ITIH4: variants seen among roughly 807,000 people sequenced by gnomAD.
ITIH4 encodes the protein inter-alpha-trypsin inhibitor heavy chain H4.
A neutral mutation model predicts 111.8 loss-of-function variants in ITIH4; 79 were observed. The observed-to-expected ratio is 0.71, with a 90% CI of 0.59 to 0.85. The LOEUF (loss-of-function observed/expected upper bound fraction) is 0.85, where lower values mean the gene tolerates loss of function less well. Among genes scored for constraint, ITIH4 ranks in the 40% least tolerant of loss-of-function variants. ITIH4 has a pLI of 0.00. For synonymous variants in ITIH4, 472 were observed against 468.3 expected, an observed-to-expected ratio of 1.01 and a Z score of -0.10; for missense variants, 1,065 against 1,195.8, an observed-to-expected ratio of 0.89 and a Z score of 1.61.
intron 21 of ITIH4, among the ~76,000 whole-genome samples, chr3:52,816,680 G>A (rs889340085): frequency 6.6e-6 from 1 of 152,188 alleles, no homozygotes; most frequent in East Asian, 1.9e-4. Flanking sequence ...ATGGGATAGT[G>A]ACCTGGGTTA....
chr3:52,826,150 C>T (rs1700476750), intron 5 of ITIH4, 136 bp from the exon 6 acceptor site: 1 of 1,258,258 alleles, frequency 7.9e-7, no homozygotes, highest in Admixed American at 2.5e-5. Context: ...CACTTTCTTT[C>T]AGGCTGAGTT....
rs749742183 is a variant in ITIH4 at position 52,826,570 on chromosome 3, C to T, written c.601G>A (p.Ala201Thr). The change falls in exon 5 of 24, where the codon GCC becomes ACC. Residue 201 changes from alanine to threonine, a missense_variant. Transcript: ENST00000266041. ...GTCTTATTCTGCCAGGTGGTGAGGGCGTCTACCAGCTGGTTGGTCATGAAG... is the reference window on the plus strand; with the variant it reads ...GTCTTATTCTGCCAGGTGGTGAGGGTGTCTACCAGCTGGTTGGTCATGAAG... ...STFMTNQLVD[A>T]LTTWQNKTKA... The T allele has an allele frequency of 5.6e-6, 9 of 1,613,900 alleles. No individual in the cohort carries two copies. Among genetic ancestry groups the T allele is most frequent in the South Asian group, 4.4e-5 (4 of 91,074 alleles).
chr3:52,823,748 G>C lies in ITIH4; in HGVS notation c.1354-7C>G, dbSNP rs1700433498. The C allele has an allele frequency of 6.2e-7, 1 of 1,613,932 alleles. No individual in the cohort carries two copies. The highest frequency in any genetic ancestry group is 1.3e-5 in the African/African-American group (1 of 74,902). ...CCACTTCCTGGTAGAAGTCCTGCAG[G>C]GTTGGGGGTGTCATAAAGGCTGGGC... On this transcript the variant is annotated splice_polypyrimidine_tract_variant and splice_region_variant and intron_variant, in intron 10 of 23. Transcript: ENST00000266041.
intron 21 of ITIH4, among the ~76,000 whole-genome samples, chr3:52,816,206 C>T (rs903103682): frequency 2.0e-5 from 3 of 152,168 alleles, no homozygotes; most frequent in Non-Finnish European, 2.9e-5. Flanking sequence ...GGACGCCCCT[C>T]GTGATCTGCA....
intron 17 of ITIH4, 32 bp downstream of exon 17, chr3:52,819,361 C>T (rs765935356): frequency 2.7e-5 from 43 of 1,612,950 alleles, no homozygotes; most frequent in East Asian, 1.8e-4. Context: ...CGTGGGAAAC[C>T]GAGGCCCTCG....
rs1284424133 is a variant in ITIH4 at position 52,824,585 on chromosome 3, A to G, written c.877-20T>C. On this transcript the variant is annotated intron_variant, in intron 7 of 23. Transcript: ENST00000266041. The surrounding 1 kb of genome is among the most constrained non-coding windows in gnomAD (Gnocchi z 4.3). ...CCGGGTCTGGTCAGGGAGAGGAAAC[A>G]TAGGTGCTTCAGAAGGGCTCCCTGA... is the stretch of plus-strand genomic sequence containing the variant. The G allele has an allele frequency of 1.3e-6, 2 of 1,599,692 alleles. No individual in the cohort carries two copies. Among genetic ancestry groups the G allele is most frequent in the Non-Finnish European group, 1.7e-6 (2 of 1,173,744 alleles).
Position 52,814,214 on chromosome 3 carries a change from G to T in ITIH4, c.2621C>A (p.Thr874Asn). ...TDRFSSHVGGTLGQFYQEVLW... is the reference protein window; with the variant it reads ...TDRFSSHVGGNLGQFYQEVLW... The stretch of plus-strand genomic sequence containing the variant: ...CCCGGTAATGGGCTCAGTACCAAGG[G>T]TCCCTCCAACGTGGCTGGAGAAGCG... The change falls in exon 22 of 24, where the codon ACC becomes AAC. Residue 874 changes from threonine to asparagine, a missense_variant. Coordinates refer to ENST00000266041, the MANE Select transcript of ITIH4 (RefSeq NM_002218.5). 1.2e-6 allele frequency: 2 copies of T among 1,613,230 alleles called. No homozygotes were observed. Among genetic ancestry groups the T allele is most frequent in the African/African-American group, 1.3e-5 (1 of 75,044 alleles).
At chr3:52,818,931 G>C (rs1380188253) in intron 17 of ITIH4, 1 of 292,692 alleles carries the variant, frequency 3.4e-6, no homozygotes, top group Non-Finnish European at 6.5e-6. Context: ...CTGGGTAGTG[G>C]GGAGAGGGGC....
chr3:52,829,991 A>G (rs932822539), intron 1 of ITIH4: 1 of 270,762 alleles, frequency 3.7e-6, no homozygotes, highest in African/African-American at 2.2e-5. Context: ...TGACATGCTC[A>G]TGCGCACTGC....
intron 17 of ITIH4, 53 bp from the exon 18 acceptor site, chr3:52,818,589 C>G: frequency 2.0e-6 from 3 of 1,489,946 alleles, no homozygotes; most frequent in East Asian, 2.4e-5. Flanking sequence ...AGTCAGGAGG[C>G]GGGCAACCAG....
chr3:52,818,247 G>A lies in ITIH4; in HGVS notation c.2179+10C>T. Reference sequence around the variant, plus strand: ...GATGTGGAAAGGGGCCAAGGGGGCTGGGAACTTACCTGGGGTTTGGGTTGT... The same window carrying A: ...GATGTGGAAAGGGGCCAAGGGGGCTAGGAACTTACCTGGGGTTTGGGTTGT... On this transcript the variant is annotated intron_variant, in intron 19 of 23. Transcript: ENST00000266041. 6.3e-7 allele frequency: 1 copy of A among 1,584,386 alleles called. No homozygotes were observed.
chr3:52,828,229 GGC>G (rs1173133955), intron 2 of ITIH4, among the ~76,000 whole-genome samples: 7 of 152,234 alleles, frequency 4.6e-5, no homozygotes, highest in African/African-American at 1.7e-4. Flanking sequence ...AGATGCCACG[GGC>G]CTGGACCTGG....
rs1404326886 is a variant in ITIH4, at chr3:52,824,440, C to A, written c.1002G>T (p.Val334=). 6.2e-7 allele frequency: 1 copy of A among 1,614,170 alleles called. No homozygotes were observed. The highest frequency in any genetic ancestry group is 1.7e-5 in the Admixed American group (1 of 60,030). The change falls in exon 8 of 24, where the codon GTG becomes GTT. Residue 334 remains valine, a synonymous_variant. Transcript: ENST00000266041. This position sits in a 1 kb window ranked among gnomAD's most constrained non-coding sequence, Gnocchi z 4.3. The part of the protein sequence containing the change: ...PSLVPASAEN[V]NKARSFAAGI... ...CCGCAGCAAAGCTCCTGGCCTTGTT[C>A]ACGTTCTCGGCTGAGGCTGGCACCA...
rs747270855 is a variant in ITIH4, at chr3:52,821,111, A to T, written c.1559T>A (p.Phe520Tyr). 5 of 1,613,490 alleles carry T rather than the reference A, an allele frequency of 3.1e-6. No homozygotes were observed. In the African/African-American group the frequency reaches 6.7e-5, roughly 22 times the overall value. ...CTCTGCCACACTGGACTCCGTTTGGAAAGTGATGTTCTGTGTAGGCTGGAA... is the reference window on the plus strand; with the variant it reads ...CTCTGCCACACTGGACTCCGTTTGGTAAGTGATGTTCTGTGTAGGCTGGAA... ...SGKLPTQNITFQTESSVAEQE... is the reference protein window; with the variant it reads ...SGKLPTQNITYQTESSVAEQE... The change falls in exon 12 of 24, where the codon TTC becomes TAC. Residue 520 changes from phenylalanine (F) to tyrosine (Y), a missense_variant. Transcript: ENST00000266041.
In ITIH4 at chr3:52,813,977, G is replaced by A; in HGVS notation, c.2721C>T (p.Thr907=). The change falls in exon 23 of 24, where the codon ACC becomes ACT. Residue 907 remains threonine, a splice_region_variant and synonymous_variant. Coordinates refer to ENST00000266041, the MANE Select transcript of ITIH4 (RefSeq NM_002218.5). ...LRVQGNDHSA[T]RERRLDYQEG... ...GCGGTCTGCTTGTGCCAAGTCACCT[G>A]GTGGCAGAGTGGTCATTGCCCTGAA... 1 of 1,611,486 alleles carries A rather than the reference G, an allele frequency of 6.2e-7. No homozygotes were observed. Among genetic ancestry groups the A allele is most frequent in the Non-Finnish European group, 8.5e-7 (1 of 1,179,090 alleles).
rs780836767 is a variant in ITIH4 at position 52,814,076 on chromosome 3, G to C, written c.2627-5C>G. Reference sequence around the variant, plus strand: ...GCACCTCCTGGTAAAACTGGCCTGAGATACAAAGGGTGGATCAGTAAGGGT... The same window carrying C: ...GCACCTCCTGGTAAAACTGGCCTGACATACAAAGGGTGGATCAGTAAGGGT... On this transcript the variant is annotated splice_polypyrimidine_tract_variant and splice_region_variant and intron_variant, in intron 22 of 23. Transcript: ENST00000266041. 1 of 1,613,534 alleles carries C rather than the reference G, an allele frequency of 6.2e-7. No homozygotes were observed. Among genetic ancestry groups the C allele is most frequent in the South Asian group, 1.1e-5 (1 of 90,998 alleles).
At position 52,820,593 on chromosome 3, in the gene ITIH4, T is replaced by C. The variant is rs570623670; in HGVS notation, c.1834+38A>G. The C allele has an allele frequency of 1.9e-6, 3 of 1,577,680 alleles. No individual in the cohort carries two copies. In the African/African-American group the frequency reaches 4.1e-5, roughly 21 times the overall value. On this transcript the variant is annotated intron_variant, in intron 13 of 23. Coordinates refer to ENST00000266041, the MANE Select transcript of ITIH4 (RefSeq NM_002218.5). ...CGGGGAGAACGCTGGGTCCAAACTC[T>C]GCTACCTGGGAGGCTGAGATCTCAA...
intron 2 of ITIH4, among the ~76,000 whole-genome samples, 186 bp downstream of exon 2, chr3:52,828,933 G>A (rs1335375054): frequency 1.3e-5 from 2 of 152,274 alleles, no homozygotes; most frequent in East Asian, 1.9e-4. Flanking sequence ...AGGGAAGGAC[G>A]GGGGCATCTT....
intron 1 of ITIH4, 120 bp downstream of exon 1, chr3:52,830,433 T>G (rs1700550329): frequency 2.1e-6 from 2 of 962,312 alleles, no homozygotes; most frequent in Non-Finnish European, 3.4e-6. Context: ...ACCATTTTTT[T>G]GCACACACAG....
Sources: gnomAD v4.1 joint callset for allele counts (sites outside exome capture counted in the v4.1 genomes callset) on GRCh38, gnomAD v4.1.1 for gene constraint, Gnocchi (gnomAD v3.1) non-coding constraint, MANE v1.5 for transcripts, NCBI Gene and HGNC (gene_info 2026-07-23, HGNC 2026-07-21) for gene names.